ZNF804A: variants seen among roughly 807,000 people sequenced by gnomAD.
The protein encoded by ZNF804A is zinc finger protein 804A.
In ZNF804A, 2 loss-of-function variants were observed where a neutral mutation model predicts 16.5. That is an observed-to-expected ratio of 0.12 (90% CI 0.05 to 0.38). The LOEUF (loss-of-function observed/expected upper bound fraction) is 0.38, where lower values mean the gene tolerates loss of function less well. Among genes scored for constraint, ZNF804A ranks in the 10% least tolerant of loss-of-function variants. The pLI, the probability that ZNF804A is intolerant of heterozygous loss-of-function variation, is 0.99. For synonymous variants in ZNF804A, 534 were observed against 489.6 expected, an observed-to-expected ratio of 1.09 and a Z score of -1.20; for missense variants, 1,473 against 1,390.7, an observed-to-expected ratio of 1.06 and a Z score of -0.94.
chr2:184,925,700 G>T (rs1017781515), intron 2 of ZNF804A, among the ~76,000 whole-genome samples: 1 of 151,238 alleles, frequency 6.6e-6, no homozygotes, highest in Admixed American at 6.6e-5. Flanking sequence ...TTTATTTGTT[G>T]TGTTTTAATT....
At chr2:184,876,795 T>C (rs1684691819) in intron 2 of ZNF804A, among the ~76,000 whole-genome samples, 1 of 152,158 alleles carries the variant, frequency 6.6e-6, no homozygotes, top group Non-Finnish European at 1.5e-5. Context: ...GGCTGTCTAT[T>C]GACTCAGCCC....
chr2:184,932,960 G>A (rs10931156), intron 2 of ZNF804A, among the ~76,000 whole-genome samples: 79,935 of 151,880 alleles, frequency 0.53, 24,019 homozygotes, highest in East Asian at 0.83. Flanking sequence ...GAATTATTCT[G>A]GAAACGTGCC....
At chr2:184,829,935 A>C (rs76219681) in intron 1 of ZNF804A, among the ~76,000 whole-genome samples, 5,993 of 134,026 alleles carry the variant, frequency 0.045, 161 homozygotes, top group African/African-American at 0.082. Context: ...AAAACAAAAA[A>C]AAAAAAACCA....
intron 1 of ZNF804A, among the ~76,000 whole-genome samples, chr2:184,637,339 T>C (rs73978034): frequency 0.031 from 4,768 of 152,252 alleles, 253 homozygotes; most frequent in African/African-American, 0.11. Context: ...ATTTTAAAAA[T>C]GCACAATGTT....
chr2:184,670,724 T>G (rs1340289925), intron 1 of ZNF804A, among the ~76,000 whole-genome samples: 1 of 152,184 alleles, frequency 6.6e-6, no homozygotes, highest in African/African-American at 2.4e-5. Context: ...TTTTAAACCA[T>G]TCTATATTGC....
intron 1 of ZNF804A, among the ~76,000 whole-genome samples, chr2:184,832,642 T>A (rs1047135481): frequency 2.0e-5 from 3 of 151,930 alleles, no homozygotes; most frequent in African/African-American, 7.2e-5. Flanking sequence ...TTATTTTTTT[T>A]ATACTTTTCA....
intron 2 of ZNF804A, among the ~76,000 whole-genome samples, chr2:184,911,462 T>C (rs572002439): frequency 6.6e-6 from 1 of 152,196 alleles, no homozygotes; most frequent in East Asian, 1.9e-4. Flanking sequence ...GGCTCTTTTT[T>C]GGTTCCTTAT....
chr2:184,786,603 T>G (rs904582200), intron 1 of ZNF804A, among the ~76,000 whole-genome samples: 17 of 152,096 alleles, frequency 1.1e-4, no homozygotes, highest in African/African-American at 4.1e-4. Flanking sequence ...TCCCAGGTCA[T>G]CGCCCTTTCT....
At chr2:184,730,275 T>C (rs981785503) in intron 1 of ZNF804A, among the ~76,000 whole-genome samples, 20 of 152,096 alleles carry the variant, frequency 1.3e-4, no homozygotes, top group African/African-American at 4.6e-4. Context: ...AGTACAGAAA[T>C]TTCCTACACA....
chr2:184,880,701 G>A (rs78793089), intron 2 of ZNF804A, among the ~76,000 whole-genome samples: 2 of 152,112 alleles, frequency 1.3e-5, no homozygotes, highest in East Asian at 3.9e-4. Flanking sequence ...TGGCTGACAT[G>A]TCTGGAAGCA....
intron 1 of ZNF804A, among the ~76,000 whole-genome samples, chr2:184,815,311 A>C (rs981784242): frequency 1.3e-5 from 2 of 151,952 alleles, no homozygotes. Context: ...TTTCTCAAAT[A>C]ATATGTACTA....
intron 1 of ZNF804A, among the ~76,000 whole-genome samples, chr2:184,837,761 G>A (rs754246391): frequency 5.3e-5 from 8 of 152,172 alleles, no homozygotes; most frequent in East Asian, 1.9e-4. Context: ...GAATAAGCTC[G>A]TGTATGAAGG....
intron 1 of ZNF804A, among the ~76,000 whole-genome samples, chr2:184,749,409 T>C (rs1416874680): frequency 6.6e-6 from 1 of 151,340 alleles, no homozygotes; most frequent in Non-Finnish European, 1.5e-5. Flanking sequence ...ATGCTCCTGA[T>C]ATTTGTACAT....
At chr2:184,670,869 G>A (rs1692330120) in intron 1 of ZNF804A, among the ~76,000 whole-genome samples, 1 of 152,014 alleles carries the variant, frequency 6.6e-6, no homozygotes, top group Admixed American at 6.6e-5. Context: ...GTCTATGTGT[G>A]CATTTGCCCT....
chr2:184,887,504 A>G (rs1376557557), intron 2 of ZNF804A, among the ~76,000 whole-genome samples: 1 of 152,182 alleles, frequency 6.6e-6, no homozygotes, highest in Non-Finnish European at 1.5e-5. Context: ...GTCCTTTTTC[A>G]CACTGTTGAT....
chr2:184,800,957 T>C (rs1694715960), intron 1 of ZNF804A, among the ~76,000 whole-genome samples: 1 of 151,974 alleles, frequency 6.6e-6, no homozygotes, highest in Admixed American at 6.6e-5. Context: ...TGTGTCATTG[T>C]CATTTTTATT....
At chr2:184,801,191 T>G (rs1694720583) in intron 1 of ZNF804A, among the ~76,000 whole-genome samples, 1 of 152,178 alleles carries the variant, frequency 6.6e-6, no homozygotes, top group Non-Finnish European at 1.5e-5. Context: ...TTCTTGTTCT[T>G]TAATCGGTAT....
intron 2 of ZNF804A, among the ~76,000 whole-genome samples, chr2:184,894,546 C>CA (rs1410400242): frequency 6.6e-6 from 1 of 151,664 alleles, no homozygotes; most frequent in East Asian, 1.9e-4. Flanking sequence ...TTGCTAGTTT[C>CA]AAAAATCTAG....
chr2:184,911,915 C>T (rs1194887231), intron 2 of ZNF804A, among the ~76,000 whole-genome samples: 1 of 151,636 alleles, frequency 6.6e-6, no homozygotes, highest in Non-Finnish European at 1.5e-5. Context: ...TGAAAAAATG[C>T]TTACACCTTT....
Sources: gnomAD v4.1 joint callset for allele counts (sites outside exome capture counted in the v4.1 genomes callset) on GRCh38, gnomAD v4.1.1 for gene constraint, MANE v1.5 for transcripts, NCBI Gene and HGNC (gene_info 2026-07-23, HGNC 2026-07-21) for gene names.